PAGE2B: variants seen among roughly 807,000 people sequenced by gnomAD.
PAGE2B encodes PAGE family member 2B, also known as putative G antigen family E member 3.
PAGE2B carries 5 observed loss-of-function variants against 7.6 expected under a neutral mutation model. The ratio of observed to expected loss-of-function variants is 0.66; its 90% confidence interval spans 0.34 to 1.38. PAGE2B has a LOEUF of 1.38. Among genes scored for constraint, PAGE2B ranks in the 40% most tolerant of loss-of-function variants. PAGE2B has a pLI of 0.04. For missense variants in PAGE2B, 70 were observed against 78.4 expected, an observed-to-expected ratio of 0.89 and a Z score of 0.41; for synonymous variants, 29 against 26.7, an observed-to-expected ratio of 1.09 and a Z score of -0.27.
chrX:55,039,261 A>G, the PAGE2B span, among the ~76,000 whole-genome samples: 1 of 111,212 alleles, frequency 9.0e-6, no homozygotes, highest in Non-Finnish European at 1.9e-5. Context: ...TTAGTTGGGT[A>G]TGACAAGAAT....
chrX:55,060,586 G>A, the PAGE2B span, among the ~76,000 whole-genome samples: 5 of 111,346 alleles, frequency 4.5e-5, no homozygotes, highest in Non-Finnish European at 9.5e-5. Flanking sequence ...ATCTTCACTC[G>A]ATTGTTTCTT....
chrX:55,069,738 C>G, the PAGE2B span, among the ~76,000 whole-genome samples: 1 of 111,461 alleles, frequency 9.0e-6, no homozygotes, highest in African/African-American at 3.3e-5. Flanking sequence ...TTGGTCTATT[C>G]AGGGATTCTA....
chrX:55,062,063 T>C, the PAGE2B span, among the ~76,000 whole-genome samples: 1 of 111,973 alleles, frequency 8.9e-6, no homozygotes, highest in Non-Finnish European at 1.9e-5. Context: ...AACATGGGAA[T>C]GCACATATCT....
chrX:55,034,984 G>T, the PAGE2B span, among the ~76,000 whole-genome samples: 1 of 110,198 alleles, frequency 9.1e-6, no homozygotes, highest in Non-Finnish European at 1.9e-5. Context: ...AAGGATGTAG[G>T]CTGGGAGGCT....
chrX:55,074,156 C>CT (rs201077314), upstream of PAGE2B, among the ~76,000 whole-genome samples: 7,540 of 110,839 alleles, frequency 0.068, 609 homozygotes, highest in African/African-American at 0.23. Flanking sequence ...TGAGGAGTGG[C>CT]TTTTTTTTGA....
upstream of PAGE2B, among the ~76,000 whole-genome samples, chrX:55,070,676 T>G (rs765351970): frequency 8.9e-6 from 1 of 111,743 alleles, no homozygotes; most frequent in East Asian, 2.8e-4. Context: ...CTAAGTCTCT[T>G]TGTAGGTCTC....
the PAGE2B span, among the ~76,000 whole-genome samples, chrX:55,051,121 A>C: frequency 3.6e-5 from 4 of 111,612 alleles, no homozygotes; most frequent in South Asian, 3.7e-4. Context: ...TTCTTTAAGA[A>C]TGTTGAATAT....
the PAGE2B span, among the ~76,000 whole-genome samples, chrX:55,060,515 G>A: frequency 9.0e-6 from 1 of 111,044 alleles, no homozygotes; most frequent in African/African-American, 3.3e-5. Context: ...TATATATTTT[G>A]GATATTAACC....
At chrX:55,061,934 G>A in the PAGE2B span, among the ~76,000 whole-genome samples, 1 of 111,558 alleles carries the variant, frequency 9.0e-6, no homozygotes, top group South Asian at 3.7e-4. Context: ...GATCTCATTC[G>A]TTTTATGGCT....
the PAGE2B span, among the ~76,000 whole-genome samples, chrX:55,065,434 G>A: frequency 7.2e-5 from 8 of 111,035 alleles, no homozygotes; most frequent in East Asian, 8.5e-4. Context: ...TTCACTTTAC[G>A]TGTGTCTTTA....
the PAGE2B span, among the ~76,000 whole-genome samples, chrX:55,068,116 C>A: frequency 8.9e-6 from 1 of 112,271 alleles, no homozygotes; most frequent in Non-Finnish European, 1.9e-5. Flanking sequence ...ATGTTTTAGT[C>A]ATGAAGTCTT....
the PAGE2B span, among the ~76,000 whole-genome samples, chrX:55,063,122 C>A: frequency 9.0e-6 from 1 of 110,901 alleles, no homozygotes; most frequent in Non-Finnish European, 1.9e-5. Context: ...GAGTTTTTTT[C>A]TATTTATATG....
the PAGE2B span, among the ~76,000 whole-genome samples, chrX:55,043,713 A>G: frequency 9.0e-6 from 1 of 111,139 alleles, no homozygotes; most frequent in East Asian, 2.8e-4. Context: ...CTTGCCTGCA[A>G]TCCCAGCTCT....
At chrX:55,046,050 C>T in the PAGE2B span, among the ~76,000 whole-genome samples, 35 of 111,583 alleles carry the variant, frequency 3.1e-4, no homozygotes, top group African/African-American at 1.1e-3. Flanking sequence ...AAGAGAGCAA[C>T]TTAAGGAAGA....
At chrX:55,077,248 A>ATC (rs1936531844) in intron 3 of PAGE2B, 151 bp from the exon 4 acceptor site, 1 of 1,011,506 alleles carries the variant, frequency 9.9e-7, no homozygotes, top group Non-Finnish European at 1.3e-6. Context: ...ATGTTTGAAC[A>ATC]TCTCTGCTTT....
the PAGE2B span, among the ~76,000 whole-genome samples, chrX:55,047,370 A>G: frequency 8.9e-6 from 1 of 111,822 alleles, no homozygotes; most frequent in Non-Finnish European, 1.9e-5. Context: ...GCTATTGTGA[A>G]TAAACATACG....
the PAGE2B span, among the ~76,000 whole-genome samples, chrX:55,056,614 G>A: frequency 7.2e-5 from 8 of 110,681 alleles, no homozygotes; most frequent in East Asian, 5.7e-4. Context: ...GTGATTTAAA[G>A]TAAGAACACA....
chrX:55,059,791 C>T, the PAGE2B span, among the ~76,000 whole-genome samples: 3 of 111,357 alleles, frequency 2.7e-5, no homozygotes, highest in African/African-American at 6.5e-5. Context: ...TCCTGCCAAC[C>T]CCTGGTAACC....
At chrX:55,030,905 A>G in the PAGE2B span, 1 of 338,715 alleles carries the variant, frequency 3.0e-6, no homozygotes, top group Non-Finnish European at 5.9e-6. Context: ...CAGCTGGCAG[A>G]CCAGAGATAG....
Sources: gnomAD v4.1 joint callset for allele counts (sites outside exome capture counted in the v4.1 genomes callset) on GRCh38, gnomAD v4.1.1 for gene constraint, MANE v1.5 for transcripts, NCBI Gene and HGNC (gene_info 2026-07-23, HGNC 2026-07-21) for gene names.